The following MAML2 variants were observed in gnomAD, a reference collection of about 807,000 sequenced individuals.
The protein encoded by MAML2 is mastermind-like protein 2.
Under a neutral mutation model 96.1 loss-of-function variants are expected in MAML2, and 22 were observed. That is an observed-to-expected ratio of 0.23 (90% CI 0.16 to 0.33). The LOEUF (loss-of-function observed/expected upper bound fraction) is 0.33, where lower values mean the gene tolerates loss of function less well. Among genes scored for constraint, MAML2 ranks in the 10% least tolerant of loss-of-function variants. The pLI is 1.00. For missense variants in MAML2, 1,367 were observed against 1,392.4 expected (o/e 0.98, Z 0.29); for synonymous variants, 561 against 521.3 (o/e 1.08, Z -1.04).
At chr11:96,167,666 C>A (rs1165998911) in intron 1 of MAML2, among the ~76,000 whole-genome samples, 1 of 152,202 alleles carries the variant, frequency 6.6e-6, no homozygotes, top group Non-Finnish European at 1.5e-5. Flanking sequence ...CTCCCTCTTA[C>A]TTGTCACAAA....
At chr11:96,274,154 C>T (rs1039539659) in intron 1 of MAML2, among the ~76,000 whole-genome samples, 20 of 143,850 alleles carry the variant, frequency 1.4e-4, no homozygotes, top group African/African-American at 4.9e-4. Flanking sequence ...GCCATCTTGG[C>T]TCACTGCAAG....
At chr11:96,042,809 A>G (rs1858837600) in intron 2 of MAML2, among the ~76,000 whole-genome samples, 1 of 135,912 alleles carries the variant, frequency 7.4e-6, no homozygotes, top group Non-Finnish European at 1.5e-5. Flanking sequence ...CAGTGGTGCC[A>G]CCTCTGCTCA....
At chr11:96,335,032 C>T (rs754548351) in intron 1 of MAML2, among the ~76,000 whole-genome samples, 7 of 152,198 alleles carry the variant, frequency 4.6e-5, no homozygotes, top group Admixed American at 1.3e-4. Flanking sequence ...CATTCACTAC[C>T]GTCAGCATCC....
chr11:96,237,127 T>C (rs146873270), intron 1 of MAML2, among the ~76,000 whole-genome samples: 1 of 152,356 alleles, frequency 6.6e-6, no homozygotes, highest in African/African-American at 2.4e-5. Flanking sequence ...AAGCTGATTA[T>C]TGTAGCTATG....
At chr11:96,159,188 T>C (rs1256546508) in intron 1 of MAML2, among the ~76,000 whole-genome samples, 1 of 152,154 alleles carries the variant, frequency 6.6e-6, no homozygotes, top group Non-Finnish European at 1.5e-5. Context: ...GATGGCACAG[T>C]CCCTTTTGAA....
At chr11:96,006,872 TACACACACACACACAC>T (rs57492080) in intron 2 of MAML2, among the ~76,000 whole-genome samples, 21 of 123,968 alleles carry the variant, frequency 1.7e-4, no homozygotes, top group Admixed American at 2.4e-4. Flanking sequence ...GAATATCTTA[TACACACACACACACAC>T]ACACACACAC....
At chr11:96,067,934 G>A (rs1464605401) in intron 2 of MAML2, among the ~76,000 whole-genome samples, 1 of 152,124 alleles carries the variant, frequency 6.6e-6, no homozygotes, top group Non-Finnish European at 1.5e-5. Context: ...GTTGGCCTGA[G>A]GGTGGTGATA....
intron 2 of MAML2, among the ~76,000 whole-genome samples, chr11:96,001,985 G>T (rs1487048312): frequency 6.6e-6 from 1 of 152,070 alleles, no homozygotes; most frequent in East Asian, 1.9e-4. Context: ...TTTCCTACCA[G>T]GTGAACATCC....
chr11:96,250,845 T>A (rs1034788463), intron 1 of MAML2, among the ~76,000 whole-genome samples: 1 of 152,188 alleles, frequency 6.6e-6, no homozygotes, highest in Non-Finnish European at 1.5e-5. Context: ...ATAATGACAT[T>A]ACAAACTCTT....
chr11:96,198,170 T>C (rs529042382), intron 1 of MAML2, among the ~76,000 whole-genome samples: 1 of 152,288 alleles, frequency 6.6e-6, no homozygotes, highest in African/African-American at 2.4e-5. Flanking sequence ...CAGGAAGACA[T>C]GTTAGAAGGC....
chr11:96,294,633 T>C (rs509518), intron 1 of MAML2, among the ~76,000 whole-genome samples: 112,747 of 152,112 alleles, frequency 0.74, 41,876 homozygotes, highest in East Asian at 0.85. Context: ...AACGAATTCT[T>C]ACCCCTTATA....
At chr11:96,045,829 T>A (rs958177206) in intron 2 of MAML2, among the ~76,000 whole-genome samples, 3 of 151,400 alleles carry the variant, frequency 2.0e-5, no homozygotes, top group Non-Finnish European at 2.9e-5. Flanking sequence ...CAAAGTGATG[T>A]AATAATGGGA....
intron 2 of MAML2, among the ~76,000 whole-genome samples, chr11:96,030,328 C>T (rs1378390578): frequency 1.3e-5 from 2 of 151,750 alleles, no homozygotes; most frequent in African/African-American, 4.8e-5. Flanking sequence ...ATTACTCTAC[C>T]AGGTATGTGA....
intron 2 of MAML2, among the ~76,000 whole-genome samples, chr11:96,018,485 C>T (rs1283397712): frequency 2.6e-5 from 4 of 152,148 alleles, no homozygotes; most frequent in African/African-American, 9.7e-5. Context: ...CTGGACACCC[C>T]ATCGTTTGGA....
At chr11:96,210,720 G>C (rs1223290153) in intron 1 of MAML2, among the ~76,000 whole-genome samples, 1 of 152,148 alleles carries the variant, frequency 6.6e-6, no homozygotes, top group Non-Finnish European at 1.5e-5. Flanking sequence ...ATAGAGCATA[G>C]AGTAAGTGCC....
chr11:96,247,076 C>A (rs531163442), intron 1 of MAML2, among the ~76,000 whole-genome samples: 4 of 152,026 alleles, frequency 2.6e-5, no homozygotes, highest in Non-Finnish European at 5.9e-5. Context: ...CTGTCTGATT[C>A]ATTCTGTTGA....
intron 3 of MAML2, among the ~76,000 whole-genome samples, chr11:95,989,149 A>C (rs1320001384): frequency 1.3e-5 from 2 of 152,256 alleles, no homozygotes; most frequent in African/African-American, 4.8e-5. Context: ...AATAAGGATA[A>C]CAAACTTTCA....
intron 1 of MAML2, among the ~76,000 whole-genome samples, chr11:96,281,056 G>T (rs193205241): frequency 6.6e-6 from 1 of 152,218 alleles, no homozygotes; most frequent in East Asian, 1.9e-4. Context: ...ATATTAAAAT[G>T]CAAATTAATG....
intron 1 of MAML2, among the ~76,000 whole-genome samples, chr11:96,125,878 C>T (rs1349356883): frequency 1.3e-5 from 2 of 152,160 alleles, no homozygotes; most frequent in African/African-American, 4.8e-5. Flanking sequence ...CTTTATGGGA[C>T]ATTTACCTGC....
Sources: gnomAD v4.1 joint callset for allele counts (sites outside exome capture counted in the v4.1 genomes callset) on GRCh38, gnomAD v4.1.1 for gene constraint, MANE v1.5 for transcripts, NCBI Gene and HGNC (gene_info 2026-07-23, HGNC 2026-07-21) for gene names.